Variants in MED26 observed in about 807,000 individuals in gnomAD.
MED26 encodes the protein mediator complex subunit 26, also known as mediator of RNA polymerase II transcription subunit 26.
A neutral mutation model predicts 43.7 loss-of-function variants in MED26; 7 were observed. That is an observed-to-expected ratio of 0.16 (90% CI 0.09 to 0.30). MED26 has a LOEUF of 0.30. Among genes scored for constraint, MED26 ranks in the 10% least tolerant of loss-of-function variants. The probability of loss-of-function intolerance (pLI) is 1.00; values close to 1 mark genes in which losing one functional copy is unlikely to be tolerated. For missense variants in MED26, 784 were observed against 840.6 expected, an observed-to-expected ratio of 0.93 and a Z score of 0.83; for synonymous variants, 375 against 371.1, an observed-to-expected ratio of 1.01 and a Z score of -0.12.
intron 1 of MED26, among the ~76,000 whole-genome samples, chr19:16,595,025 C>T (rs1270119434): frequency 1.3e-5 from 2 of 152,134 alleles, no homozygotes; most frequent in Non-Finnish European, 2.9e-5. Flanking sequence ...GGTGGCCCCT[C>T]TACAGTCTCA....
chr19:16,580,531 G>A (rs2086040064), intron 1 of MED26, among the ~76,000 whole-genome samples: 1 of 152,058 alleles, frequency 6.6e-6, no homozygotes, highest in African/African-American at 2.4e-5. Context: ...ACCACGCCCA[G>A]CTAATTTTTG....
chr19:16,580,386 G>A (rs74772086), intron 1 of MED26, among the ~76,000 whole-genome samples: 1 of 143,788 alleles, frequency 7.0e-6, no homozygotes, highest in Non-Finnish European at 1.5e-5. Context: ...TTTTTTTTTT[G>A]AGATGAAGTT....
At chr19:16,594,291 C>T (rs577231095) in intron 1 of MED26, among the ~76,000 whole-genome samples, 95 of 152,342 alleles carry the variant, frequency 6.2e-4, no homozygotes, top group African/African-American at 2.2e-3. Context: ...CCTTCCTTTC[C>T]CACTAAAGGC....
At chr19:16,578,973 C>T (rs1446596860) in intron 1 of MED26, among the ~76,000 whole-genome samples, 2 of 152,110 alleles carry the variant, frequency 1.3e-5, no homozygotes, top group Admixed American at 6.6e-5. Context: ...TGCTGGCATG[C>T]GCCTGTAGTT....
intron 1 of MED26, among the ~76,000 whole-genome samples, chr19:16,602,691 T>C (rs2086155321): frequency 6.6e-6 from 1 of 152,138 alleles, no homozygotes; most frequent in Non-Finnish European, 1.5e-5. Flanking sequence ...TCCTGACACA[T>C]GCAACAACAC....
intron 1 of MED26, among the ~76,000 whole-genome samples, chr19:16,605,173 G>A (rs2086166951): frequency 6.6e-6 from 1 of 152,244 alleles, no homozygotes; most frequent in Non-Finnish European, 1.5e-5. Flanking sequence ...AAAGACAAAT[G>A]TGAAAGCAAG....
chr19:16,606,543 C>T (rs1467305702), intron 1 of MED26, among the ~76,000 whole-genome samples: 2 of 151,576 alleles, frequency 1.3e-5, no homozygotes, highest in Non-Finnish European at 2.9e-5. Flanking sequence ...AGCGAGACTC[C>T]GTCTCAAAAA....
intron 1 of MED26, among the ~76,000 whole-genome samples, chr19:16,579,350 A>G (rs2086032206): frequency 1.3e-5 from 2 of 152,164 alleles, no homozygotes; most frequent in Non-Finnish European, 2.9e-5. Context: ...CTTTATCGAT[A>G]ATCAGGAAAA....
At chr19:16,592,026 A>G (rs1414947704) in intron 1 of MED26, among the ~76,000 whole-genome samples, 1 of 152,104 alleles carries the variant, frequency 6.6e-6, no homozygotes, top group African/African-American at 2.4e-5. Context: ...GCATTCCAAC[A>G]AGCCCTCAAG....
rs2086290314 is a variant in MED26 at position 16,627,950 on chromosome 19, G to C, written c.-7C>G. On this transcript the variant is annotated 5_prime_UTR_variant, in exon 1 of 3. Coordinates refer to ENST00000263390, the MANE Select transcript of MED26 (RefSeq NM_004831.5). ...ACGCCGGAGCCGCTGTCATTGCCTG[G>C]GCGAGGCGGGGGGTTGCGGCCGGGC... 6.8e-7 allele frequency: 1 copy of C among 1,460,880 alleles called. No individual in the cohort carries two copies. The highest frequency in any genetic ancestry group is 1.5e-5 in the African/African-American group (1 of 68,340). The allele number at this position is 1,460,880 out of a possible 1,614,324, so 90.5% of individuals were successfully genotyped here.
At chr19:16,596,573 G>A (rs1395938417) in intron 1 of MED26, among the ~76,000 whole-genome samples, 1 of 152,240 alleles carries the variant, frequency 6.6e-6, no homozygotes, top group Non-Finnish European at 1.5e-5. Flanking sequence ...ACAGGCATGT[G>A]TCAATGCCAT....
chr19:16,593,020 T>C (rs2086104922), intron 1 of MED26, among the ~76,000 whole-genome samples: 1 of 152,202 alleles, frequency 6.6e-6, no homozygotes, highest in African/African-American at 2.4e-5. Flanking sequence ...GCGCCGACTC[T>C]GTAGGTGGGC....
intron 1 of MED26, among the ~76,000 whole-genome samples, chr19:16,584,748 G>C (rs1241375254): frequency 1.3e-5 from 2 of 152,214 alleles, no homozygotes; most frequent in African/African-American, 4.8e-5. Flanking sequence ...AGGGGGATGG[G>C]TGAAACAAAG....
Position 16,576,118 on chromosome 19 carries a change from C to G in MED26, c.1712G>C (p.Gly571Ala). ...GCACTGCGTCCAGTCATACCAGTTA[C>G]CCTGTGTGTCCTGACACCCGTTCAC... ...PGVNGCQDTQ[G>A]NWYDWTQCIS... The change falls in exon 3 of 3, where the codon GGT becomes GCT. Residue 571 changes from glycine to alanine, a missense_variant. By Grantham distance (60) the Gly-to-Ala change is moderately conservative (BLOSUM62 0). Around this residue, in one of 3 missense-constraint regions of MED26, gnomAD observed 719 missense variants for 730.9 expected, o/e 0.98. Transcript: ENST00000263390. This position sits in a 1 kb window ranked among gnomAD's most constrained non-coding sequence, Gnocchi z 6.8. 2 of 1,614,024 alleles carry G rather than the reference C, an allele frequency of 1.2e-6. No individual in the cohort carries two copies. Among genetic ancestry groups the G allele is most frequent in the Non-Finnish European group, 1.7e-6 (2 of 1,180,030 alleles).
intron 1 of MED26, among the ~76,000 whole-genome samples, chr19:16,627,559 G>A (rs746239389): frequency 6.6e-6 from 1 of 152,234 alleles, no homozygotes; most frequent in Non-Finnish European, 1.5e-5. Flanking sequence ...GCGAGGCAGA[G>A]AAGCTTCGTC....
intron 1 of MED26, among the ~76,000 whole-genome samples, chr19:16,613,450 G>A (rs2086208878): frequency 6.6e-6 from 1 of 152,118 alleles, no homozygotes; most frequent in Non-Finnish European, 1.5e-5. Context: ...GCACTCCACA[G>A]CAGCTCAGGC....
Position 16,602,969 on chromosome 19 carries a change from A to C in MED26, c.73-24560T>G, listed in dbSNP as rs114329423. Among the ~76,000 whole-genome samples, 632 of 152,344 alleles carry C rather than the reference A, an allele frequency of 4.1e-3. 1 individual carries two copies. Among genetic ancestry groups the C allele is most frequent in the African/African-American group, 0.014 (592 of 41,578 alleles). ...TGAACTGTACAGTTAAAAACAGCTA[A>C]GATGGTTAAGTTTTATGGGATGTAT... On this transcript the variant is annotated intron_variant, in intron 1 of 2. Coordinates refer to ENST00000263390, the MANE Select transcript of MED26 (RefSeq NM_004831.5).
intron 1 of MED26, among the ~76,000 whole-genome samples, chr19:16,581,487 G>A (rs2086045440): frequency 1.3e-5 from 2 of 152,232 alleles, no homozygotes; most frequent in Non-Finnish European, 2.9e-5. Flanking sequence ...TGGTATATTT[G>A]GAGCCCTGGT....
At chr19:16,607,500 T>C (rs559883979) in intron 1 of MED26, among the ~76,000 whole-genome samples, 5 of 151,486 alleles carry the variant, frequency 3.3e-5, no homozygotes, top group South Asian at 2.1e-4. Flanking sequence ...GACAAGACCA[T>C]AGCCACACTA....
Sources: allele counts gnomAD v4.1 joint callset (sites outside exome capture counted in the v4.1 genomes callset), GRCh38; gene constraint gnomAD v4.1.1; regional missense constraint gnomAD v4.1.1; non-coding constraint Gnocchi (gnomAD v3.1); transcripts MANE v1.5; gene names NCBI Gene and HGNC (gene_info 2026-07-23, HGNC 2026-07-21).